The following MTUS1 variants were observed in gnomAD, a reference collection of about 807,000 sequenced individuals.
MTUS1 encodes the protein microtubule associated scaffold protein 1, also known as microtubule-associated tumor suppressor 1.
MTUS1 carries 109 observed loss-of-function variants against 120.8 expected under a neutral mutation model. That is an observed-to-expected ratio of 0.90 (90% CI 0.77 to 1.06). The LOEUF (loss-of-function observed/expected upper bound fraction) is 1.06. Ranked by LOEUF, MTUS1 falls within the 50% of genes least tolerant of loss-of-function variation. The probability of loss-of-function intolerance (pLI) is 0.00; values close to 1 mark genes in which losing one functional copy is unlikely to be tolerated. For missense variants in MTUS1, 2,210 were observed against 1,486.3 expected (o/e 1.49, Z -8.01); for synonymous variants, 737 against 550.5 (o/e 1.34, Z -4.74).
At chr8:17,766,321 C>A (rs2049482556) in intron 1 of MTUS1, among the ~76,000 whole-genome samples, 1 of 152,168 alleles carries the variant, frequency 6.6e-6, no homozygotes, top group Non-Finnish European at 1.5e-5. Context: ...TAATCATCAT[C>A]CTTAATGAGA....
intron 7 of MTUS1, 34 bp downstream of exon 7, chr8:17,684,294 G>C (rs1270796105): frequency 6.5e-7 from 1 of 1,540,668 alleles, no homozygotes; most frequent in Non-Finnish European, 9.0e-7. Context: ...CCGACCTCAA[G>C]TAGAAAGGCT....
In MTUS1 at chr8:17,683,478, T is replaced by C. The variant is rs1815061950; in HGVS notation, c.2838+850A>G. ...AACAGTTTTCTTTTTGCTTTTAATT[T>C]TTATTTTTTCCCTATGTTGCTCAGG... On this transcript the variant is annotated intron_variant, in intron 7 of 14. Transcript: ENST00000693296. 1.3e-5 allele frequency among the ~76,000 whole-genome samples: 2 copies of C among 152,162 alleles called. 1 individual carries two copies. The highest frequency in any genetic ancestry group is 1.3e-4 in the Admixed American group (2 of 15,274).
chr8:17,756,673 C>CCCCCCCCG lies in MTUS1; in HGVS notation c.-154-713_-154-712insCGGGGGGG. On this transcript the variant is annotated intron_variant, in intron 1 of 14. Transcript: ENST00000693296. Reference sequence around the variant, plus strand: ...TCCAATTCATATGTCAAGCCCAAACCCCCACCCCTTATGTAACTATGTTGG... The same window carrying CCCCCCCCG: ...TCCAATTCATATGTCAAGCCCAAACCCCCCCCCGCCCACCCCTTATGTAACTATGTTGG... 2.2e-4 allele frequency among the ~76,000 whole-genome samples: 12 copies of CCCCCCCCG among 54,574 alleles called. 2 individuals carry two copies. The South Asian group carries it at 7.4e-3, about 34-fold the overall frequency. The allele number at this position is 54,574 out of a possible 152,430, so 35.8% of individuals were successfully genotyped here.
At chr8:17,796,860 T>C (rs1190529450) in intron 1 of MTUS1, among the ~76,000 whole-genome samples, 2 of 152,198 alleles carry the variant, frequency 1.3e-5, no homozygotes, top group Admixed American at 6.5e-5. Context: ...ACGCTTGTAA[T>C]CCCAGCATTT....
chr8:17,712,516 T>G (rs1821520948), intron 6 of MTUS1, among the ~76,000 whole-genome samples: 1 of 152,080 alleles, frequency 6.6e-6, no homozygotes, highest in South Asian at 2.1e-4. Flanking sequence ...TTTTTGTATT[T>G]TTAGTAGAGA....
Position 17,674,822 on chromosome 8 carries a change from A to G in MTUS1, c.2905+364T>C, listed in dbSNP as rs368650319. 9 of 1,065,012 alleles carry G rather than the reference A, an allele frequency of 8.5e-6. No homozygotes were observed. In the East Asian group the frequency reaches 4.4e-4, roughly 52 times the overall value. The allele number at this position is 1,065,012 out of a possible 1,614,324, so 66.0% of individuals were successfully genotyped here. Reference sequence around the variant, plus strand: ...AAGTACAACGGATTTACTGTTTATCAAGAGGGGAAACTTTCACTATTCTCA... The same window carrying G: ...AAGTACAACGGATTTACTGTTTATCGAGAGGGGAAACTTTCACTATTCTCA... On this transcript the variant is annotated intron_variant, in intron 8 of 14. Coordinates refer to ENST00000693296, the MANE Select transcript of MTUS1 (RefSeq NM_001363059.2).
chr8:17,703,504 G>A (rs946018805), intron 6 of MTUS1, among the ~76,000 whole-genome samples: 7 of 151,842 alleles, frequency 4.6e-5, no homozygotes, highest in East Asian at 1.9e-4. Context: ...GTGGTGGTGC[G>A]CACCTGTAGT....
intron 8 of MTUS1, among the ~76,000 whole-genome samples, chr8:17,671,355 A>AT (rs1236051183): frequency 1.3e-5 from 2 of 152,142 alleles, no homozygotes; most frequent in African/African-American, 4.8e-5. Context: ...ATATTATATT[A>AT]TTTTTCCATA....
chr8:17,676,721 CCTCT>C (rs1412697379), intron 7 of MTUS1, among the ~76,000 whole-genome samples: 2 of 152,078 alleles, frequency 1.3e-5, no homozygotes, highest in Middle Eastern at 3.2e-3. Context: ...TTTTTCTTCC[CCTCT>C]CTAATTGTGG....
chr8:17,795,587 A>G (rs545698902), intron 1 of MTUS1, among the ~76,000 whole-genome samples: 1 of 152,100 alleles, frequency 6.6e-6, no homozygotes, highest in Admixed American at 6.5e-5. Context: ...GAATGAGGGT[A>G]AAATGTGTGT....
rs146444024 is a variant in MTUS1, at chr8:17,770,834, A to C, written c.-154-14873T>G. On this transcript the variant is annotated intron_variant, in intron 1 of 14. Transcript: ENST00000693296. ...ATCACTTGCAATAAAACTGTAAACA[A>C]ACAAAAACATGACAAGTTCTTTAAG... Among the ~76,000 whole-genome samples the C allele has an allele frequency of 2.5e-3, 384 of 152,306 alleles. 4 individuals carry two copies. Among genetic ancestry groups the C allele is most frequent in the Non-Finnish European group, 3.9e-3 (264 of 68,016 alleles).
intron 6 of MTUS1, among the ~76,000 whole-genome samples, chr8:17,699,323 T>C (rs2130897309): frequency 6.6e-6 from 1 of 152,330 alleles, no homozygotes; most frequent in African/African-American, 2.4e-5. Context: ...GTTCAAGTGA[T>C]TCTCCTGCCT....
At chr8:17,716,197 G>A (rs902053526) in intron 4 of MTUS1, among the ~76,000 whole-genome samples, 17 of 152,150 alleles carry the variant, frequency 1.1e-4, no homozygotes, top group Non-Finnish European at 2.5e-4. Flanking sequence ...AAATAATACA[G>A]CCACTTCATG....
chr8:17,710,987 C>G (rs1272061143), intron 6 of MTUS1, among the ~76,000 whole-genome samples: 1 of 152,166 alleles, frequency 6.6e-6, no homozygotes, highest in Non-Finnish European at 1.5e-5. Context: ...AAAGACATCT[C>G]TTGAGTTGTA....
chr8:17,652,794 C>G (rs1807305777), intron 12 of MTUS1, among the ~76,000 whole-genome samples: 1 of 151,354 alleles, frequency 6.6e-6, no homozygotes, highest in Non-Finnish European at 1.5e-5. Context: ...CGAGATCACG[C>G]CACTACACTC....
Position 17,754,944 on chromosome 8 carries a change from C to A in MTUS1, c.864G>T (p.Glu288Asp), listed in dbSNP as rs764912599. 1 of 1,614,108 alleles carries A rather than the reference C, an allele frequency of 6.2e-7. No individual in the cohort carries two copies. The highest frequency in any genetic ancestry group is 1.7e-5 in the Admixed American group (1 of 60,018). ...GSQQRLVGEK[E>D]TQALTPVSDG... ...CAGAAACTGGTGTTAGTGCTTGTGT[C>A]TCCTTTTCTCCAACTAGTCTTTGTT... is the stretch of plus-strand genomic sequence containing the variant. Residue 288 changes from glutamate to aspartate, a missense_variant, in exon 2 of 15, where the codon GAG becomes GAT. Glu to Asp is a conservative substitution (Grantham distance 45, BLOSUM62 2). Coordinates refer to ENST00000693296, the MANE Select transcript of MTUS1 (RefSeq NM_001363059.2).
At chr8:17,713,137 A>G in intron 6 of MTUS1, 77 bp downstream of exon 6, 1 of 1,201,410 alleles carries the variant, frequency 8.3e-7, no homozygotes, top group Non-Finnish European at 1.2e-6. Flanking sequence ...ACCAGTAAAA[A>G]ATCACTGTAA....
chr8:17,658,193 C>T (rs116125247), intron 8 of MTUS1, among the ~76,000 whole-genome samples: 2,084 of 152,122 alleles, frequency 0.014, 55 homozygotes, highest in African/African-American at 0.048. Context: ...CATGCCACCA[C>T]GACCAGCTAA....
At position 17,723,671 on chromosome 8, in the gene MTUS1, C is replaced by G; in HGVS notation, c.2449+1G>C. 6.2e-7 allele frequency: 1 copy of G among 1,609,066 alleles called. No homozygotes were observed. Among genetic ancestry groups the G allele is most frequent in the Non-Finnish European group, 8.5e-7 (1 of 1,176,128 alleles). ...CGAAGTGTGATATAAAGTCGACTTA[C>G]AATTGTTGCTGTAAGTGCTCAGCTC... On this transcript the variant is annotated splice_donor_variant, in intron 4 of 14. Coordinates refer to ENST00000693296, the MANE Select transcript of MTUS1 (RefSeq NM_001363059.2). LOFTEE classifies it high-confidence loss of function.
Sources: gnomAD v4.1 joint callset for allele counts (sites outside exome capture counted in the v4.1 genomes callset) on GRCh38, gnomAD v4.1.1 for gene constraint, MANE v1.5 for transcripts, NCBI Gene and HGNC (gene_info 2026-07-23, HGNC 2026-07-21) for gene names.